CRB1: variants seen among roughly 807,000 people sequenced by gnomAD.
The protein encoded by CRB1 is protein crumbs homolog 1.
CRB1 carries 83 observed loss-of-function variants against 120.0 expected under a neutral mutation model. The observed-to-expected ratio is 0.69, with a 90% CI of 0.58 to 0.83. The LOEUF (loss-of-function observed/expected upper bound fraction) is 0.83, where lower values mean the gene tolerates loss of function less well. Among genes scored for constraint, CRB1 ranks in the 40% least tolerant of loss-of-function variants. The pLI is 0.00. For synonymous variants in CRB1, 625 were observed against 612.5 expected (o/e 1.02, Z -0.30); for missense variants, 1,699 against 1,687.6 (o/e 1.01, Z -0.12).
chr1:197,451,603 T>C (rs889282470), intron 11 of CRB1, among the ~76,000 whole-genome samples: 1 of 152,226 alleles, frequency 6.6e-6, no homozygotes, highest in Non-Finnish European at 1.5e-5. Context: ...AAGGATGGGC[T>C]GGGCCTGGAT....
At chr1:197,254,147 AG>A in the CRB1 span, among the ~76,000 whole-genome samples, 2 of 152,028 alleles carry the variant, frequency 1.3e-5, no homozygotes, top group Non-Finnish European at 2.9e-5. Context: ...ATGGGAAGAA[AG>A]CCACCGCACT....
intron 11 of CRB1, among the ~76,000 whole-genome samples, chr1:197,467,142 G>A (rs1031539454): frequency 3.9e-5 from 6 of 152,056 alleles, no homozygotes; most frequent in Non-Finnish European, 7.4e-5. Context: ...GGGGGTTGGA[G>A]GAACTATTTT....
intron 1 of CRB1, among the ~76,000 whole-genome samples, chr1:197,315,337 A>G (rs1657776653): frequency 6.6e-6 from 1 of 152,244 alleles, no homozygotes. Context: ...TTTTACACAT[A>G]TGAACTATTT....
intron 11 of CRB1, among the ~76,000 whole-genome samples, chr1:197,473,585 AACTG>A (rs1157958422): frequency 1.3e-5 from 2 of 152,022 alleles, no homozygotes; most frequent in African/African-American, 4.8e-5. Flanking sequence ...TTAATATGAT[AACTG>A]ACTGCAGATA....
At chr1:197,367,464 T>C (rs956477614) in intron 5 of CRB1, among the ~76,000 whole-genome samples, 3 of 152,146 alleles carry the variant, frequency 2.0e-5, no homozygotes, top group African/African-American at 7.2e-5. Context: ...CTTGATAAAT[T>C]CACATTTTGA....
chr1:197,421,093 A>G lies in CRB1; in HGVS notation c.1265A>G (p.His422Arg), dbSNP rs1664283744. The G allele has an allele frequency of 6.2e-7, 1 of 1,614,206 alleles. No individual in the cohort carries two copies. The highest frequency in any genetic ancestry group is 1.6e-4 in the Middle Eastern group (1 of 6,062). ...AACTTGCCTGGGAATTATACTTGCC[A>G]TTGCCCATTTGATAACCTTTCTAGA... ...CENLPGNYTC[H>R]CPFDNLSRTF... The change falls in exon 6 of 12, where the codon CAT becomes CGT. Residue 422 changes from histidine (H) to arginine (R), a missense_variant. Physicochemically the swap from His to Arg is conservative, Grantham distance 29. Transcript: ENST00000367400.
chr1:197,215,035 A>G, the CRB1 span, among the ~76,000 whole-genome samples: 1 of 152,244 alleles, frequency 6.6e-6, no homozygotes, highest in South Asian at 2.1e-4. Flanking sequence ...ATGGCTCAAC[A>G]TAAAAGTGAC....
chr1:197,267,072 G>A (rs758271742), upstream of CRB1, among the ~76,000 whole-genome samples: 1 of 152,170 alleles, frequency 6.6e-6, no homozygotes, highest in Admixed American at 6.6e-5. Flanking sequence ...GAAGACTCTG[G>A]TCCTAATGTT....
At position 197,468,370 on chromosome 1, in the gene CRB1, T is replaced by C. The variant is rs76164743; in HGVS notation, c.4006-9294T>C. On this transcript the variant is annotated intron_variant, in intron 11 of 11. Coordinates refer to ENST00000367400, the MANE Select transcript of CRB1 (RefSeq NM_201253.3). Reference sequence around the variant, plus strand: ...AATGGTTATGCCTTTTACTTCCATATCTCCAGGATCTAATATGCTGTCTGA... The same window carrying C: ...AATGGTTATGCCTTTTACTTCCATACCTCCAGGATCTAATATGCTGTCTGA... 2.0e-5 allele frequency among the ~76,000 whole-genome samples: 3 copies of C among 151,390 alleles called. No individual in the cohort carries two copies. The East Asian group carries it at 5.8e-4, about 29-fold the overall frequency.
chr1:197,456,972 T>C (rs1371507326), intron 11 of CRB1, among the ~76,000 whole-genome samples: 8 of 152,160 alleles, frequency 5.3e-5, no homozygotes, highest in African/African-American at 1.9e-4. Flanking sequence ...CATGTCCTTT[T>C]CTTCCATTTG....
chr1:197,301,335 T>G (rs1239095550), intron 1 of CRB1, among the ~76,000 whole-genome samples: 1 of 152,074 alleles, frequency 6.6e-6, no homozygotes, highest in South Asian at 2.1e-4. Context: ...CCGGCTAATT[T>G]TTGTATTTTT....
At chr1:197,474,018 T>C (rs1007053660) in intron 11 of CRB1, among the ~76,000 whole-genome samples, 5 of 152,178 alleles carry the variant, frequency 3.3e-5, no homozygotes, top group Admixed American at 3.3e-4. Context: ...GGCTGGGAAT[T>C]GCAATATTAG....
intron 5 of CRB1, 127 bp downstream of exon 5, chr1:197,357,140 TC>T: frequency 1.1e-6 from 1 of 950,750 alleles, no homozygotes; most frequent in Non-Finnish European, 1.7e-6. Flanking sequence ...GTGCAAAGGG[TC>T]CCCCTTGTGG....
At position 197,355,192 on chromosome 1, in the gene CRB1, A is replaced by G. The variant is rs530370964; in HGVS notation, c.989-1639A>G. Among the ~76,000 whole-genome samples the G allele has an allele frequency of 2.0e-5, 3 of 152,124 alleles. No homozygotes were observed. In the South Asian group the frequency reaches 6.2e-4, roughly 32 times the overall value. On this transcript the variant is annotated intron_variant, in intron 4 of 11. Transcript: ENST00000367400. ...CTTAGCTAGACATAAATATTCTTCAAGTCCCCACCAGATTAGCTAGATACA... is the reference window on the plus strand; with the variant it reads ...CTTAGCTAGACATAAATATTCTTCAGGTCCCCACCAGATTAGCTAGATACA...
rs754482666 is a variant in CRB1, at chr1:197,421,536, G to A, written c.1708G>A (p.Val570Met). ...HNTSDGEWHF[V>M]EVIFAEAVTL... ...CACCAGCGATGGAGAGTGGCATTTC[G>A]TGGAGGTAATATTTGCAGAGGCTGT... The change falls in exon 6 of 12, where the codon GTG becomes ATG. Residue 570 changes from valine (V) to methionine (M), a missense_variant. By Grantham distance (21) the Val-to-Met change is conservative. Coordinates refer to ENST00000367400, the MANE Select transcript of CRB1 (RefSeq NM_201253.3). 10 of 1,614,228 alleles carry A rather than the reference G, an allele frequency of 6.2e-6. 1 individual carries two copies. The highest frequency in any genetic ancestry group is 4.4e-5 in the South Asian group (4 of 91,082).
At chr1:197,353,692 T>C (rs1392040035) in intron 4 of CRB1, among the ~76,000 whole-genome samples, 1 of 151,868 alleles carries the variant, frequency 6.6e-6, no homozygotes, top group East Asian at 1.9e-4. Context: ...TCCCAGCTAC[T>C]TGGGAGGCTG....
chr1:197,316,861 T>C (rs2125282355), intron 1 of CRB1, among the ~76,000 whole-genome samples: 1 of 148,804 alleles, frequency 6.7e-6, no homozygotes, highest in African/African-American at 2.5e-5. Context: ...ACACCAATAG[T>C]GAATTGTCTG....
chr1:197,268,227 A>G, upstream of CRB1: 1 of 595,588 alleles, frequency 1.7e-6, no homozygotes, highest in Non-Finnish European at 3.0e-6. Context: ...TGATGCTAAG[A>G]AGCACAAACT....
the CRB1 span, among the ~76,000 whole-genome samples, chr1:197,263,116 C>T: frequency 1.3e-5 from 2 of 152,172 alleles, no homozygotes; most frequent in African/African-American, 2.4e-5. Context: ...CTGCTTTTCA[C>T]AGTGGCTGAA....
Sources: gnomAD v4.1 joint callset for allele counts (sites outside exome capture counted in the v4.1 genomes callset) on GRCh38, gnomAD v4.1.1 for gene constraint, MANE v1.5 for transcripts, NCBI Gene and HGNC (gene_info 2026-07-23, HGNC 2026-07-21) for gene names.